The following GBE1 variants were observed in gnomAD, a reference collection of about 807,000 sequenced individuals.
GBE1 encodes the protein 1,4-alpha-glucan branching enzyme 1.
GBE1 carries 70 observed loss-of-function variants against 88.8 expected under a neutral mutation model. The observed-to-expected ratio is 0.79, with a 90% CI of 0.65 to 0.96. The LOEUF is 0.96. Ranked by LOEUF, GBE1 falls within the 40% of genes least tolerant of loss-of-function variation. The pLI is 0.00. For missense variants in GBE1, 872 were observed against 871.0 expected, an observed-to-expected ratio of 1.00 and a Z score of -0.01; for synonymous variants, 284 against 300.1, an observed-to-expected ratio of 0.95 and a Z score of 0.56.
At chr3:81,752,474 A>G (rs1331413784) in intron 1 of GBE1, among the ~76,000 whole-genome samples, 1 of 152,218 alleles carries the variant, frequency 6.6e-6, no homozygotes, top group African/African-American at 2.4e-5. Flanking sequence ...CTTAGCAGTC[A>G]GATGAAAGAA....
chr3:81,636,097 T>A (rs1704588348), intron 7 of GBE1, among the ~76,000 whole-genome samples: 1 of 152,180 alleles, frequency 6.6e-6, no homozygotes, highest in African/African-American at 2.4e-5. Context: ...GACTGAGTAA[T>A]CTCATAAACC....
intron 6 of GBE1, among the ~76,000 whole-genome samples, chr3:81,644,184 G>A (rs1434901469): frequency 6.6e-6 from 1 of 151,870 alleles, no homozygotes; most frequent in Non-Finnish European, 1.5e-5. Context: ...AAACACCACT[G>A]ATCATATGGA....
chr3:81,683,762 C>T (rs984563205), intron 2 of GBE1, among the ~76,000 whole-genome samples: 2 of 152,080 alleles, frequency 1.3e-5, no homozygotes, highest in Non-Finnish European at 2.9e-5. Flanking sequence ...AACCAATGCC[C>T]TATGTTATTA....
At chr3:81,647,902 G>C (rs1179682965) in intron 5 of GBE1, among the ~76,000 whole-genome samples, 4 of 152,008 alleles carry the variant, frequency 2.6e-5, no homozygotes, top group Admixed American at 2.0e-4. Context: ...CAAACACAAA[G>C]ATGAGTAAGA....
chr3:81,547,918 T>C (rs1489693761), intron 12 of GBE1, among the ~76,000 whole-genome samples: 1 of 151,312 alleles, frequency 6.6e-6, no homozygotes, highest in Non-Finnish European at 1.5e-5. Flanking sequence ...CAAACTTCGC[T>C]GCAGGTCCCT....
At chr3:81,528,235 G>A (rs1702971720) in intron 14 of GBE1, among the ~76,000 whole-genome samples, 1 of 118,688 alleles carries the variant, frequency 8.4e-6, no homozygotes, top group South Asian at 3.6e-4. Context: ...GAGGAGGGGG[G>A]AGGGGGGAGG....
At chr3:81,520,358 AAACT>A (rs1559631930) in intron 14 of GBE1, among the ~76,000 whole-genome samples, 2 of 151,532 alleles carry the variant, frequency 1.3e-5, no homozygotes, top group Non-Finnish European at 1.5e-5. Flanking sequence ...ATACTATATT[AAACT>A]GAATACTTTA....
chr3:81,567,077 T>C (rs1703505427), intron 12 of GBE1, among the ~76,000 whole-genome samples: 1 of 152,164 alleles, frequency 6.6e-6, no homozygotes, highest in African/African-American at 2.4e-5. Context: ...GACTTTCACT[T>C]TTAAACCCAC....
chr3:81,715,794 C>A (rs1263557566), intron 1 of GBE1, among the ~76,000 whole-genome samples: 1 of 151,712 alleles, frequency 6.6e-6, no homozygotes, highest in Admixed American at 6.6e-5. Flanking sequence ...TTATATATAA[C>A]CAGCCCACAA....
At chr3:81,509,985 T>C (rs1702703650) in intron 14 of GBE1, among the ~76,000 whole-genome samples, 2 of 152,090 alleles carry the variant, frequency 1.3e-5, no homozygotes, top group African/African-American at 2.4e-5. Flanking sequence ...CTGATTGGTA[T>C]GAGCCTTGAA....
rs1212713190 is a variant in GBE1, at chr3:81,648,998, A to G, written c.556-7T>C. 3.9e-6 allele frequency: 6 copies of G among 1,550,918 alleles called. No homozygotes were observed. Among genetic ancestry groups the G allele is most frequent in the Non-Finnish European group, 5.3e-6 (6 of 1,141,834 alleles). Reference sequence around the variant, plus strand: ...TTGGTCTGGAATGCTTAAACTACAGAATATAAAATTATGTATAGAGTTAAG... The same window carrying G: ...TTGGTCTGGAATGCTTAAACTACAGGATATAAAATTATGTATAGAGTTAAG... On this transcript the variant is annotated splice_region_variant and splice_polypyrimidine_tract_variant and intron_variant, in intron 4 of 15. Coordinates refer to ENST00000429644, the MANE Select transcript of GBE1 (RefSeq NM_000158.4).
intron 7 of GBE1, among the ~76,000 whole-genome samples, chr3:81,613,378 G>A (rs188244392): frequency 2.0e-5 from 3 of 152,050 alleles, no homozygotes; most frequent in East Asian, 1.9e-4. Flanking sequence ...CTCCCTTCAC[G>A]CTACTGGAAT....
At chr3:81,612,243 A>AAAAAAAT (rs1704192193) in intron 7 of GBE1, 1 of 517,928 alleles carries the variant, frequency 1.9e-6, no homozygotes, top group Non-Finnish European at 3.0e-6. Flanking sequence ...AAAAAAAAAA[A>AAAAAAAT]CTTAAAGAAG....
intron 1 of GBE1, 22 bp from the exon 2 acceptor site, chr3:81,705,635 A>T: frequency 6.8e-7 from 1 of 1,467,428 alleles, no homozygotes; most frequent in South Asian, 1.4e-5. Flanking sequence ...TATGAAAGAA[A>T]ATGAGTTAGA....
chr3:81,758,561 G>C (rs1706634525), intron 1 of GBE1, among the ~76,000 whole-genome samples: 1 of 152,188 alleles, frequency 6.6e-6, no homozygotes, highest in Non-Finnish European at 1.5e-5. Context: ...GACTCATGCT[G>C]ACATGTAATA....
chr3:81,576,992 C>T (rs1354522269), intron 12 of GBE1, among the ~76,000 whole-genome samples: 1 of 152,090 alleles, frequency 6.6e-6, no homozygotes, highest in Non-Finnish European at 1.5e-5. Flanking sequence ...GTCACCCTAG[C>T]TGGAGTGCAT....
intron 11 of GBE1, among the ~76,000 whole-genome samples, chr3:81,580,822 A>C (rs1703717709): frequency 6.6e-6 from 1 of 152,058 alleles, no homozygotes; most frequent in South Asian, 2.1e-4. Flanking sequence ...CTAAGACGGA[A>C]ACTAAAATAA....
At chr3:81,526,984 A>C (rs1388717163) in intron 14 of GBE1, among the ~76,000 whole-genome samples, 3 of 152,162 alleles carry the variant, frequency 2.0e-5, no homozygotes, top group Non-Finnish European at 4.4e-5. Flanking sequence ...ACAAGGTGAC[A>C]GTAACCAAAA....
rs1704110684 is a variant in GBE1 at position 81,606,908 on chromosome 3, A to C, written c.993-12885T>G. On this transcript the variant is annotated intron_variant, in intron 7 of 15. Coordinates refer to ENST00000429644, the MANE Select transcript of GBE1 (RefSeq NM_000158.4). ...CAATCTTCCTCAATATAATAAATCT[A>C]TGCTGTAGATGTACAGATGTCACGT... Among the ~76,000 whole-genome samples the C allele has an allele frequency of 2.6e-5, 4 of 152,196 alleles. No individual in the cohort carries two copies. The South Asian group carries it at 8.3e-4, about 32-fold the overall frequency.
Sources: gnomAD v4.1 joint callset for allele counts (sites outside exome capture counted in the v4.1 genomes callset) on GRCh38, gnomAD v4.1.1 for gene constraint, MANE v1.5 for transcripts, NCBI Gene and HGNC (gene_info 2026-07-23, HGNC 2026-07-21) for gene names.